The following MECR variants were observed in gnomAD, a reference collection of about 807,000 sequenced individuals.
MECR encodes the protein enoyl-[acyl-carrier-protein] reductase, mitochondrial.
MECR carries 37 observed loss-of-function variants against 49.1 expected under a neutral mutation model. The ratio of observed to expected loss-of-function variants is 0.75; its 90% CI spans 0.58 to 0.99. The LOEUF is 0.99. Ranked by LOEUF, MECR falls within the 50% of genes least tolerant of loss-of-function variation. The pLI, the probability that MECR is intolerant of heterozygous loss-of-function variation, is 0.00. For synonymous variants in MECR, 198 were observed against 191.1 expected (o/e 1.04, Z -0.30); for missense variants, 470 against 479.6 (o/e 0.98, Z 0.19).
chr1:29,199,280 T>C (rs747292462), intron 7 of MECR, among the ~76,000 whole-genome samples: 1 of 152,140 alleles, frequency 6.6e-6, no homozygotes, highest in Admixed American at 6.5e-5. Flanking sequence ...CAGGCTGGAG[T>C]GCAGTGGCGC....
intron 2 of MECR, 83 bp from the exon 3 acceptor site, chr1:29,216,219 C>T: frequency 6.5e-7 from 1 of 1,541,180 alleles, no homozygotes; most frequent in Non-Finnish European, 8.9e-7. Flanking sequence ...CCATCCTAGG[C>T]CTGATCTGGG....
chr1:29,168,485 G>C, the MECR span: 3 of 152,126 alleles, frequency 2.0e-5, no homozygotes, highest in Non-Finnish European at 2.9e-5. Context: ...AAAGTCTCTA[G>C]AGAAAAAAGA....
chr1:29,230,836 G>T lies in MECR; in HGVS notation c.71C>A (p.Ser24Tyr). ...ARQWRGLLPA[S>Y]GCHGPAASSY... ...GGAGGCGGCAGGTCCGTGACAGCCA[G>T]AAGCTGGGAGCAGCCCCCGCCACTG... The change falls in exon 1 of 10, where the codon TCT (serine) becomes TAT (tyrosine). Residue 24 changes from serine to tyrosine, a missense_variant. Transcript: ENST00000263702. The T allele has an allele frequency of 6.2e-7, 1 of 1,607,208 alleles. No individual in the cohort carries two copies.
chr1:29,170,627 T>C, the MECR span: 2 of 152,244 alleles, frequency 1.3e-5, no homozygotes, highest in Non-Finnish European at 2.9e-5. Flanking sequence ...ACTAATTAAG[T>C]ATTTTAATGA....
At chr1:29,207,518 C>T (rs1309196553) in intron 3 of MECR, among the ~76,000 whole-genome samples, 1 of 150,094 alleles carries the variant, frequency 6.7e-6, no homozygotes, top group Admixed American at 6.7e-5. Flanking sequence ...GGTGGGAGGA[C>T]TGCTTGAGGC....
rs758553855 is a variant in MECR, at chr1:29,206,896, C to T, written c.416G>A (p.Arg139Gln). The T allele has an allele frequency of 2.4e-5, 39 of 1,613,918 alleles. No homozygotes were observed. Among genetic ancestry groups the T allele is most frequent in the East Asian group, 1.6e-4 (7 of 44,868 alleles). ...TTCCTCGCTGAACACAGCCTCGGTC[C>T]GCCAGGTTCCTGAGTCAGAAGATGA... ...IPANAGLGTWRTEAVFSEEAL... is the reference protein window; with the variant it reads ...IPANAGLGTWQTEAVFSEEAL... The change falls in exon 4 of 10, where the codon CGG becomes CAG. Residue 139 changes from arginine (R) to glutamine (Q), a missense_variant. By Grantham distance (43) the Arg-to-Gln change is conservative. Transcript: ENST00000263702.
chr1:29,225,050 G>A lies in MECR; in HGVS notation c.176+5681C>T, dbSNP rs1411951692. 2.0e-5 allele frequency among the ~76,000 whole-genome samples: 3 copies of A among 152,204 alleles called. No individual in the cohort carries two copies. In the East Asian group the frequency reaches 5.8e-4, roughly 29 times the overall value. ...TGTGCCTGCAGCTTTCACCTTCAGA[G>A]GCAACAGTGAGAAAACCAGGGTAGC... On this transcript the variant is annotated intron_variant, in intron 1 of 9. Coordinates refer to ENST00000263702, the MANE Select transcript of MECR (RefSeq NM_016011.5).
downstream of MECR, among the ~76,000 whole-genome samples, chr1:29,188,789 G>A (rs1389023689): frequency 1.8e-4 from 28 of 151,464 alleles, no homozygotes; most frequent in Non-Finnish European, 4.4e-5. Flanking sequence ...ACAGGCGCCC[G>A]CTACCATACC....
chr1:29,216,648 C>G lies in MECR; in HGVS notation c.214G>C (p.Asp72His), dbSNP rs3000853. The G allele has an allele frequency of 8.7e-6, 14 of 1,614,122 alleles. No homozygotes were observed. The South Asian group carries it at 1.4e-4, about 16-fold the overall frequency. The change falls in exon 2 of 10, where the codon GAT becomes CAT. Residue 72 changes from aspartate to histidine, a missense_variant. Physicochemically the swap from Asp to His is moderately conservative, Grantham distance 81. Coordinates refer to ENST00000263702, the MANE Select transcript of MECR (RefSeq NM_016011.5). The stretch of plus-strand genomic sequence containing the variant: ...GCCGCCAGCATCTTCACACGGACAT[C>G]TGATCCTCTCACAGCAGCTAGCTCC... The part of the protein sequence containing the change: ...NLELAAVRGS[D>H]VRVKMLAAPI...
chr1:29,196,099 G>C, intron 8 of MECR, 86 bp from the exon 9 acceptor site: 1 of 1,597,226 alleles, frequency 6.3e-7, no homozygotes. Flanking sequence ...CCAGGAACGG[G>C]GCATTGCCTA....
At chr1:29,229,464 C>G (rs72884539) in intron 1 of MECR, among the ~76,000 whole-genome samples, 26 of 152,340 alleles carry the variant, frequency 1.7e-4, no homozygotes, top group African/African-American at 6.3e-4. Flanking sequence ...CTCAGTCTCC[C>G]TAATGCTGGG....
the MECR span, chr1:29,172,990 A>T: frequency 6.6e-6 from 1 of 152,126 alleles, no homozygotes; most frequent in Non-Finnish European, 1.5e-5. Flanking sequence ...TAAATTAAGT[A>T]AAAAAAGCGT....
the MECR span, among the ~76,000 whole-genome samples, chr1:29,181,026 CTTTAA>C: frequency 1.3e-5 from 2 of 152,306 alleles, no homozygotes; most frequent in Non-Finnish European, 2.9e-5. Context: ...GAAGTTAAGA[CTTTAA>C]TTTACTCTTG....
Position 29,230,909 on chromosome 1 carries a change from T to C in MECR, c.-3A>G, listed in dbSNP as rs1683282298. On this transcript the variant is annotated 5_prime_UTR_variant, in exon 1 of 10. Transcript: ENST00000263702. ...CACAGGGTACTGCAGACCCACATGCTCGCTCCAACCAACACAGAGCCTGAC... is the reference window on the plus strand; with the variant it reads ...CACAGGGTACTGCAGACCCACATGCCCGCTCCAACCAACACAGAGCCTGAC... 1.3e-6 allele frequency: 2 copies of C among 1,598,350 alleles called. No individual in the cohort carries two copies. The highest frequency in any genetic ancestry group is 1.3e-5 in the African/African-American group (1 of 74,316).
chr1:29,197,098 A>C (rs1026872648), intron 7 of MECR, among the ~76,000 whole-genome samples: 6 of 151,916 alleles, frequency 3.9e-5, no homozygotes, highest in African/African-American at 9.7e-5. Flanking sequence ...ACACACACAC[A>C]CCCGCTCTGG....
chr1:29,230,920 A>G lies in MECR; in HGVS notation c.-14T>C, dbSNP rs1348868297. On this transcript the variant is annotated 5_prime_UTR_variant, in exon 1 of 10. Transcript: ENST00000263702. ...GCAGACCCACATGCTCGCTCCAACC[A>G]ACACAGAGCCTGACGCCCCGGCTAC... 3 of 1,580,406 alleles carry G rather than the reference A, an allele frequency of 1.9e-6. No homozygotes were observed. Among genetic ancestry groups the G allele is most frequent in the Non-Finnish European group, 2.6e-6 (3 of 1,168,802 alleles).
chr1:29,221,422 C>T (rs368655049), intron 1 of MECR, among the ~76,000 whole-genome samples: 3 of 151,970 alleles, frequency 2.0e-5, no homozygotes, highest in East Asian at 1.9e-4. Context: ...ATTTACAGGG[C>T]GGATGGAGAA....
intron 1 of MECR, among the ~76,000 whole-genome samples, chr1:29,228,181 G>T (rs1022590677): frequency 6.6e-6 from 1 of 151,976 alleles, no homozygotes; most frequent in Non-Finnish European, 1.5e-5. Context: ...TTCAAGACCA[G>T]CCTGGGCAAC....
intron 5 of MECR, 49 bp from the exon 6 acceptor site, chr1:29,202,094 C>A: frequency 6.6e-7 from 1 of 1,504,988 alleles, no homozygotes; most frequent in Non-Finnish European, 9.2e-7. Context: ...CTTTTTCCAC[C>A]AAAGCCCCCC....
Sources: gnomAD v4.1 joint callset for allele counts (sites outside exome capture counted in the v4.1 genomes callset) on GRCh38, gnomAD v4.1.1 for gene constraint, MANE v1.5 for transcripts, NCBI Gene and HGNC (gene_info 2026-07-23, HGNC 2026-07-21) for gene names.